The following FRMD1 variants were observed in gnomAD, a reference collection of about 807,000 sequenced individuals.
The protein encoded by FRMD1 is FERM domain containing 1, also known as FERM domain-containing protein 1.
FRMD1 carries 51 observed loss-of-function variants against 54.9 expected under a neutral mutation model. That is an observed-to-expected ratio of 0.93 (90% CI 0.74 to 1.17). The LOEUF is 1.17. FRMD1 is among the 50% of genes most tolerant of loss of function. FRMD1 has a pLI of 0.00. For missense variants in FRMD1, 729 were observed against 743.0 expected, an observed-to-expected ratio of 0.98 and a Z score of 0.22; for synonymous variants, 324 against 306.4, an observed-to-expected ratio of 1.06 and a Z score of -0.60.
Position 168,063,701 on chromosome 6 carries a change from C to T in FRMD1, c.704G>A (p.Arg235His), listed in dbSNP as rs201393269. The T allele has an allele frequency of 1.7e-4, 271 of 1,613,770 alleles. 2 individuals carry two copies. Among genetic ancestry groups the T allele is most frequent in the Middle Eastern group, 1.6e-3 (10 of 6,076 alleles). ...YILRHMPTLH[R>H]ERQGLSPKEA... is the part of the protein sequence containing the mutation. ...CTTGGGGCTCAGGCCCTGGCGCTCACGGTGCAGGGTAGGCATGTGCCGGAG... is the reference window on the plus strand; with the variant it reads ...CTTGGGGCTCAGGCCCTGGCGCTCATGGTGCAGGGTAGGCATGTGCCGGAG... The change falls in exon 6 of 11, where the codon CGT (arginine) becomes CAT (histidine). Residue 235 changes from arginine to histidine, a missense_variant. Transcript: ENST00000283309.
At chr6:168,089,356 A>G (rs1481333735) in intron 1 of FRMD1, among the ~76,000 whole-genome samples, 2 of 152,206 alleles carry the variant, frequency 1.3e-5, no homozygotes, top group Admixed American at 6.5e-5. Flanking sequence ...GAGCAACACC[A>G]GCTCCTCCTC....
chr6:168,065,722 C>T (rs751098389), intron 4 of FRMD1: 34 of 987,764 alleles, frequency 3.4e-5, no homozygotes, highest in Middle Eastern at 1.0e-3. Context: ...GCTCTCCACA[C>T]AACCACACAC....
upstream of FRMD1, among the ~76,000 whole-genome samples, chr6:168,080,249 C>T (rs188472039): frequency 2.3e-3 from 356 of 152,252 alleles, 1 homozygote; most frequent in Middle Eastern, 3.4e-3. Context: ...TCACCTCCCC[C>T]GGACCCTGGA....
intron 1 of FRMD1, chr6:168,075,726 A>G (rs1385532361): frequency 1.3e-6 from 2 of 1,535,244 alleles, no homozygotes; most frequent in African/African-American, 2.7e-5. Flanking sequence ...GAGCGCGAGC[A>G]TCGGTGTCTC....
At position 168,057,101 on chromosome 6, in the gene FRMD1, A is replaced by C; in HGVS notation, c.1646T>G (p.Val549Gly). 6.8e-7 allele frequency: 1 copy of C among 1,475,442 alleles called. No homozygotes were observed. Among genetic ancestry groups the C allele is most frequent in the Non-Finnish European group, 9.0e-7 (1 of 1,109,470 alleles). The allele number at this position is 1,475,442 out of a possible 1,614,324, so 91.4% of individuals were successfully genotyped here. A position where few individuals can be genotyped will look rare whatever the true frequency, so the allele number is the denominator to read the frequency against. ...GTACTGCTGGGTGGGTGGTGCCTAC[A>C]CCACAAACTCCTGTGGTGGAGCCTC... ...FGEAPPQEFV[V>G] is the part of the protein sequence containing the mutation. Residue 549 changes from valine (V) to glycine (G), a missense_variant, in exon 11 of 11, where the codon GTG becomes GGG. By Grantham distance (109) the Val-to-Gly change is moderately radical (BLOSUM62 -3). Coordinates refer to ENST00000283309, the MANE Select transcript of FRMD1 (RefSeq NM_024919.6).
chr6:168,064,623 C>T (rs572810584), intron 5 of FRMD1, among the ~76,000 whole-genome samples: 15 of 152,344 alleles, frequency 9.8e-5, no homozygotes, highest in Middle Eastern at 3.4e-3. Context: ...TGGCTGGGTG[C>T]GTCAGGAGCA....
chr6:168,092,601 G>T (rs933207145), intron 1 of FRMD1, among the ~76,000 whole-genome samples: 2 of 151,054 alleles, frequency 1.3e-5, no homozygotes, highest in African/African-American at 5.0e-5. Context: ...TTCATCATGT[G>T]AGGACACTGC....
intron 5 of FRMD1, 68 bp downstream of exon 5, chr6:168,064,803 A>T (rs911608755): frequency 7.3e-6 from 11 of 1,500,400 alleles, no homozygotes; most frequent in Non-Finnish European, 9.8e-6. Context: ...GCTCCCATGG[A>T]TGGCACCCGG....
At chr6:168,091,350 G>T (rs1801012820) in intron 1 of FRMD1, among the ~76,000 whole-genome samples, 1 of 152,198 alleles carries the variant, frequency 6.6e-6, no homozygotes, top group Admixed American at 6.5e-5. Context: ...GCTCCAGCTG[G>T]TTTTTCTGCC....
Position 168,057,084 on chromosome 6 carries a change from G to T in FRMD1, c.*13C>A. ...GCCTGGCGGTGCGGACGGTACTGCT[G>T]GGTGGGTGGTGCCTACACCACAAAC... is the stretch of plus-strand genomic sequence containing the variant. On this transcript the variant is annotated 3_prime_UTR_variant, in exon 11 of 11. Transcript: ENST00000283309. The T allele has an allele frequency of 6.8e-7, 1 of 1,468,720 alleles. No homozygotes were observed. Among genetic ancestry groups the T allele is most frequent in the Non-Finnish European group, 9.0e-7 (1 of 1,106,286 alleles). The allele number at this position is 1,468,720 out of a possible 1,614,324, so 91.0% of individuals were successfully genotyped here.
chr6:168,068,385 A>G (rs552787487), intron 2 of FRMD1, among the ~76,000 whole-genome samples: 3 of 152,314 alleles, frequency 2.0e-5, no homozygotes, highest in South Asian at 4.1e-4. Flanking sequence ...AGCAACGTAC[A>G]ATCCCTCCGT....
chr6:168,061,280 G>A (rs889601847), intron 8 of FRMD1, among the ~76,000 whole-genome samples: 6 of 149,508 alleles, frequency 4.0e-5, no homozygotes, highest in Admixed American at 2.0e-4. Context: ...ACGCTGAGGC[G>A]AGGCCTTGTG....
In FRMD1 at chr6:168,078,975, C is replaced by G. The variant is rs757984457; in HGVS notation, c.120G>C (p.Gln40His). 5.3e-5 allele frequency: 86 copies of G among 1,612,046 alleles called. No homozygotes were observed. The highest frequency in any genetic ancestry group is 6.4e-5 in the Non-Finnish European group (75 of 1,179,928). Residue 40 changes from glutamine (Q) to histidine (H), a missense_variant, in exon 1 of 11, where the codon CAG (glutamine) becomes CAC (histidine). Physicochemically the swap from Gln to His is conservative, Grantham distance 24. Coordinates refer to ENST00000283309, the MANE Select transcript of FRMD1 (RefSeq NM_024919.6). ...TCGCGTCCATTCCCAGGGTCGGCTC[C>G]TGCTGACTGCATGCAGGCCTCTCAG... The part of the protein sequence containing the change: ...PSPERPACSQ[Q>H]EPTLGMDAMA...
chr6:168,061,178 G>A (rs746827193), intron 8 of FRMD1, 121 bp from the exon 9 acceptor site: 2 of 1,002,474 alleles, frequency 2.0e-6, no homozygotes, highest in Non-Finnish European at 2.9e-6. Context: ...CGTGGAACAG[G>A]CAGGGAGACC....
At chr6:168,063,035 C>T (rs1201674855) in intron 6 of FRMD1, 76 bp from the exon 7 acceptor site, 6 of 1,285,522 alleles carry the variant, frequency 4.7e-6, no homozygotes, top group South Asian at 2.4e-5. Context: ...TATGGTCAGT[C>T]TGGCTAGGGG....
intron 2 of FRMD1, among the ~76,000 whole-genome samples, chr6:168,072,656 G>A (rs1203651471): frequency 6.6e-6 from 1 of 152,202 alleles, no homozygotes; most frequent in African/African-American, 2.4e-5. Context: ...GTCCTGGCCC[G>A]GGTTTTGCGG....
chr6:168,087,115 T>A (rs1269159014), intron 1 of FRMD1, among the ~76,000 whole-genome samples: 1 of 152,120 alleles, frequency 6.6e-6, no homozygotes, highest in Non-Finnish European at 1.5e-5. Context: ...TTGCCCAGGC[T>A]GGAATGCAGT....
chr6:168,067,171 C>T (rs760880648), intron 3 of FRMD1, 196 bp downstream of exon 3: 4 of 692,272 alleles, frequency 5.8e-6, no homozygotes, highest in Middle Eastern at 2.4e-4. Flanking sequence ...GCACAGTCCA[C>T]CGCGGTGCCT....
chr6:168,073,067 A>G (rs1291117434), intron 2 of FRMD1, among the ~76,000 whole-genome samples: 3 of 152,156 alleles, frequency 2.0e-5, no homozygotes, highest in African/African-American at 7.2e-5. Context: ...CAAACATATT[A>G]ACTGGGCTAG....
Sources: allele counts gnomAD v4.1 joint callset (sites outside exome capture counted in the v4.1 genomes callset), GRCh38; gene constraint gnomAD v4.1.1; transcripts MANE v1.5; gene names NCBI Gene and HGNC (gene_info 2026-07-23, HGNC 2026-07-21).